Variants in RIT2 observed in about 807,000 individuals in gnomAD.
RIT2 encodes the protein GTP-binding protein Rit2.
In RIT2, 24 loss-of-function variants were observed where a neutral mutation model predicts 23.7. That is an observed-to-expected ratio of 1.01 (90% CI 0.73 to 1.43). RIT2 has a LOEUF of 1.43. Among genes scored for constraint, RIT2 ranks in the 40% most tolerant of loss-of-function variants. RIT2 has a pLI of 0.00. For synonymous variants in RIT2, 107 were observed against 91.1 expected (o/e 1.17, Z -0.99); for missense variants, 236 against 266.9 (o/e 0.88, Z 0.81).
chr18:43,009,344 A>T (rs1911298435), intron 2 of RIT2, among the ~76,000 whole-genome samples: 1 of 151,748 alleles, frequency 6.6e-6, no homozygotes, highest in African/African-American at 2.4e-5. Flanking sequence ...GAAGGGATGG[A>T]TCATTTAAAA....
chr18:42,982,442 A>G (rs893653799), intron 2 of RIT2, among the ~76,000 whole-genome samples: 3 of 152,156 alleles, frequency 2.0e-5, no homozygotes, highest in Non-Finnish European at 4.4e-5. Context: ...ATGCTTTACC[A>G]GGCTTCTACA....
intron 4 of RIT2, among the ~76,000 whole-genome samples, chr18:42,919,283 C>T (rs1432149032): frequency 6.6e-6 from 1 of 152,020 alleles, no homozygotes; most frequent in Non-Finnish European, 1.5e-5. Context: ...AAATAAAGGC[C>T]TTTCATGATT....
chr18:43,050,629 CT>C lies in RIT2; in HGVS notation c.104-16763del, dbSNP rs1228733566. Among the ~76,000 whole-genome samples, 8 of 152,106 alleles carry C rather than the reference CT, an allele frequency of 5.3e-5. No individual in the cohort carries two copies. The East Asian group carries it at 1.6e-3, about 30-fold the overall frequency. ...GGCAGGCCTCAGGAAACGGAATCCC[CT>C]TCTGTCCTCCATCTGCCCCAAAGCA... On this transcript the variant is annotated intron_variant, in intron 1 of 4. Transcript: ENST00000326695.
intron 4 of RIT2, among the ~76,000 whole-genome samples, chr18:42,850,393 T>C (rs1018298579): frequency 2.0e-5 from 3 of 152,164 alleles, no homozygotes; most frequent in Non-Finnish European, 4.4e-5. Flanking sequence ...GGTTAATGGA[T>C]TGTATTGTAA....
intron 4 of RIT2, among the ~76,000 whole-genome samples, chr18:42,757,611 C>A (rs1598641904): frequency 1.3e-5 from 2 of 152,178 alleles, no homozygotes; most frequent in East Asian, 3.9e-4. Context: ...CACACGGAGA[C>A]AGGCATTTTT....
At chr18:42,902,370 A>T (rs1447812381) in intron 4 of RIT2, among the ~76,000 whole-genome samples, 2 of 151,786 alleles carry the variant, frequency 1.3e-5, no homozygotes, top group Non-Finnish European at 3.0e-5. Flanking sequence ...AAAGCAAATT[A>T]TTAAGAATAT....
At chr18:43,102,740 G>A (rs532569178) in intron 1 of RIT2, among the ~76,000 whole-genome samples, 1 of 151,694 alleles carries the variant, frequency 6.6e-6, no homozygotes, top group Non-Finnish European at 1.5e-5. Context: ...TGCAACCTTC[G>A]CCTCCCGGGT....
Position 43,013,276 on chromosome 18 carries a change from AT to A in RIT2, c.160+20534del, listed in dbSNP as rs533000566. Among the ~76,000 whole-genome samples, 6 of 151,754 alleles carry A rather than the reference AT, an allele frequency of 4.0e-5. No individual in the cohort carries two copies. The East Asian group carries it at 9.8e-4, about 25-fold the overall frequency. On this transcript the variant is annotated intron_variant, in intron 2 of 4. Coordinates refer to ENST00000326695, the MANE Select transcript of RIT2 (RefSeq NM_002930.4). ...ACTTTAAGATTAACCACAATGGTTT[AT>A]TTTTTTTAAACAATGCAAACATGAA... is the stretch of plus-strand genomic sequence containing the variant.
At chr18:43,074,192 A>C (rs1239389642) in intron 1 of RIT2, among the ~76,000 whole-genome samples, 1 of 152,194 alleles carries the variant, frequency 6.6e-6, no homozygotes, top group Non-Finnish European at 1.5e-5. Context: ...AGATCAACTA[A>C]ATTAAACTCA....
At chr18:43,083,690 A>C (rs1244004599) in intron 1 of RIT2, among the ~76,000 whole-genome samples, 1 of 152,156 alleles carries the variant, frequency 6.6e-6, no homozygotes, top group Non-Finnish European at 1.5e-5. Context: ...TATGCAGAAA[A>C]CTGAAACTGG....
chr18:43,071,195 G>T (rs1285308737), intron 1 of RIT2, among the ~76,000 whole-genome samples: 1 of 152,134 alleles, frequency 6.6e-6, no homozygotes, highest in Non-Finnish European at 1.5e-5. Context: ...CTGAAATTTG[G>T]AAGTAAACAT....
intron 2 of RIT2, among the ~76,000 whole-genome samples, chr18:43,025,369 TAGAG>T (rs1314531181): frequency 2.0e-5 from 3 of 151,890 alleles, no homozygotes; most frequent in African/African-American, 7.2e-5. Flanking sequence ...GAAAATGATA[TAGAG>T]ATTTATCAGA....
chr18:42,777,194 CA>C (rs1396315246), intron 4 of RIT2, among the ~76,000 whole-genome samples: 2 of 149,602 alleles, frequency 1.3e-5, no homozygotes, highest in African/African-American at 4.9e-5. Context: ...AAATTCTGCT[CA>C]GAAATCTTTC....
chr18:42,968,057 A>C (rs1910279364), intron 3 of RIT2, among the ~76,000 whole-genome samples: 1 of 152,178 alleles, frequency 6.6e-6, no homozygotes, highest in African/African-American at 2.4e-5. Flanking sequence ...GAAAGGGTTT[A>C]TAAACAATGT....
chr18:42,910,629 AGAG>A (rs754517775), intron 4 of RIT2, among the ~76,000 whole-genome samples: 31 of 152,236 alleles, frequency 2.0e-4, no homozygotes, highest in South Asian at 4.1e-4. Flanking sequence ...GTAGAGAAGA[AGAG>A]AAGAAGCACC....
intron 4 of RIT2, among the ~76,000 whole-genome samples, chr18:42,766,713 G>T (rs1470519175): frequency 6.6e-6 from 1 of 152,188 alleles, no homozygotes; most frequent in Non-Finnish European, 1.5e-5. Context: ...GACCTTCAGG[G>T]CAGCCCCTCC....
At chr18:43,090,288 C>G (rs1913389829) in intron 1 of RIT2, among the ~76,000 whole-genome samples, 1 of 152,120 alleles carries the variant, frequency 6.6e-6, no homozygotes, top group Non-Finnish European at 1.5e-5. Flanking sequence ...CATCACTGAT[C>G]ATTAGAGAAA....
At chr18:43,114,449 A>AT (rs1282173078) in intron 1 of RIT2, among the ~76,000 whole-genome samples, 1 of 151,700 alleles carries the variant, frequency 6.6e-6, no homozygotes, top group African/African-American at 2.4e-5. Context: ...TCGTCTTTTA[A>AT]TTTTTTTGTC....
chr18:42,878,651 A>T (rs1219167490), intron 4 of RIT2, among the ~76,000 whole-genome samples: 13 of 151,534 alleles, frequency 8.6e-5, no homozygotes, highest in Admixed American at 6.6e-4. Context: ...CTCTCTCTCC[A>T]CCTGCTTCCA....
Sources: allele counts gnomAD v4.1 joint callset (sites outside exome capture counted in the v4.1 genomes callset), GRCh38; gene constraint gnomAD v4.1.1; transcripts MANE v1.5; gene names NCBI Gene and HGNC (gene_info 2026-07-23, HGNC 2026-07-21).